Variants in FSHR observed in about 807,000 individuals in gnomAD.
FSHR encodes follicle-stimulating hormone receptor.
Under a neutral mutation model 52.1 loss-of-function variants are expected in FSHR, and 46 were observed. The observed-to-expected ratio is 0.88, with a 90% CI of 0.70 to 1.13. The LOEUF (loss-of-function observed/expected upper bound fraction) is 1.13. Ranked by LOEUF, FSHR falls within the 50% of genes most tolerant of loss-of-function variation. The pLI is 0.00. For synonymous variants in FSHR, 399 were observed against 309.6 expected (o/e 1.29, Z -3.03); for missense variants, 964 against 834.6 (o/e 1.16, Z -1.91).
At chr2:49,122,355 A>G (rs1054673816) in intron 1 of FSHR, among the ~76,000 whole-genome samples, 10 of 152,206 alleles carry the variant, frequency 6.6e-5, no homozygotes, top group Admixed American at 3.9e-4. Flanking sequence ...AGCCTTCTCT[A>G]TGAATGGATT....
intron 4 of FSHR, among the ~76,000 whole-genome samples, chr2:49,013,003 C>T (rs1316521): frequency 0.63 from 96,245 of 151,798 alleles, 33,277 homozygotes; most frequent in East Asian, 0.77. Flanking sequence ...GGCCCTAAAC[C>T]TGTTAGGATT....
intron 1 of FSHR, among the ~76,000 whole-genome samples, chr2:49,130,464 A>G (rs1329770588): frequency 6.6e-6 from 1 of 152,188 alleles, no homozygotes; most frequent in Non-Finnish European, 1.5e-5. Flanking sequence ...TGCTCTCATG[A>G]TAGCCATTCT....
chr2:49,140,792 T>G (rs1338948373), intron 1 of FSHR, among the ~76,000 whole-genome samples: 2 of 150,492 alleles, frequency 1.3e-5, no homozygotes, highest in Non-Finnish European at 2.9e-5. Flanking sequence ...AGATCAATAA[T>G]TTTTTTTTCC....
intron 1 of FSHR, among the ~76,000 whole-genome samples, chr2:49,143,062 T>A (rs1043025271): frequency 6.6e-6 from 1 of 152,148 alleles, no homozygotes; most frequent in East Asian, 1.9e-4. Flanking sequence ...GGCACACATA[T>A]TCTGAATGTA....
intron 6 of FSHR, among the ~76,000 whole-genome samples, chr2:48,987,313 C>T (rs1573050641): frequency 1.3e-5 from 2 of 152,206 alleles, no homozygotes; most frequent in South Asian, 2.1e-4. Context: ...AAGCGATTCC[C>T]CTGCCTCACC....
At chr2:49,101,562 C>A (rs1269854930) in intron 1 of FSHR, among the ~76,000 whole-genome samples, 2 of 152,094 alleles carry the variant, frequency 1.3e-5, no homozygotes, top group Non-Finnish European at 2.9e-5. Context: ...AAGGCAAGAA[C>A]ATTTACTCCA....
chr2:49,081,009 G>T (rs1670148612), intron 1 of FSHR, among the ~76,000 whole-genome samples: 1 of 152,074 alleles, frequency 6.6e-6, no homozygotes, highest in Non-Finnish European at 1.5e-5. Context: ...CTGGCTGCCC[G>T]TTCCTATGGA....
intron 1 of FSHR, among the ~76,000 whole-genome samples, chr2:49,148,705 G>A (rs960898131): frequency 4.6e-5 from 7 of 152,046 alleles, no homozygotes; most frequent in Non-Finnish European, 8.8e-5. Flanking sequence ...GGCAACCTTT[G>A]AGCAAGATTA....
rs776897994 is a variant in FSHR, at chr2:48,968,869, G to A, written c.683C>T (p.Thr228Ile). Residue 228 changes from threonine to isoleucine, a missense_variant, in exon 9 of 10, where the codon ACA (threonine) becomes ATA (isoleucine). Transcript: ENST00000406846. Reference sequence around the variant, plus strand: ...ATAGCTAGGCAGGGAATGGATCCTTGTTCTTGAAATATCTCTATAAAGAGA... The same window carrying A: ...ATAGCTAGGCAGGGAATGGATCCTTATTCTTGAAATATCTCTATAAAGAGA... Reference protein sequence around the residue: ...SGPVILDISRTRIHSLPSYGL... With the variant: ...SGPVILDISRIRIHSLPSYGL... 1 of 1,613,544 alleles carries A rather than the reference G, an allele frequency of 6.2e-7. No individual in the cohort carries two copies. Among genetic ancestry groups the A allele is most frequent in the Non-Finnish European group, 8.5e-7 (1 of 1,179,840 alleles).
At chr2:49,005,631 C>CA (rs1197805879) in intron 4 of FSHR, among the ~76,000 whole-genome samples, 1 of 151,920 alleles carries the variant, frequency 6.6e-6, no homozygotes, top group Non-Finnish European at 1.5e-5. Context: ...AGTGAGTGTG[C>CA]AAAAAAACAA....
chr2:48,989,273 C>CTTTTT (rs70946840), intron 5 of FSHR, among the ~76,000 whole-genome samples: 18 of 120,806 alleles, frequency 1.5e-4, no homozygotes, highest in African/African-American at 6.2e-4. Flanking sequence ...CATTCAGTGT[C>CTTTTT]TTTTTTTTTT....
chr2:48,966,335 T>A (rs1674476079), intron 9 of FSHR, among the ~76,000 whole-genome samples: 1 of 152,180 alleles, frequency 6.6e-6, no homozygotes, highest in Non-Finnish European at 1.5e-5. Flanking sequence ...TTCACAACAT[T>A]GAGTTGTGAA....
intron 1 of FSHR, among the ~76,000 whole-genome samples, chr2:49,085,599 C>T (rs1358446238): frequency 6.6e-6 from 1 of 152,160 alleles, no homozygotes; most frequent in African/African-American, 2.4e-5. Context: ...TTTGACCCAG[C>T]CATCCCATTA....
At chr2:49,091,018 T>G (rs1010434952) in intron 1 of FSHR, among the ~76,000 whole-genome samples, 5 of 152,060 alleles carry the variant, frequency 3.3e-5, no homozygotes, top group Non-Finnish European at 7.4e-5. Flanking sequence ...TAGAAGTCCT[T>G]TTTTAGACAT....
intron 2 of FSHR, among the ~76,000 whole-genome samples, chr2:49,067,709 G>C (rs1294850541): frequency 2.6e-5 from 4 of 152,040 alleles, no homozygotes; most frequent in Non-Finnish European, 5.9e-5. Flanking sequence ...AACAAAAGAG[G>C]CTTCTCTTTT....
At chr2:49,107,612 A>C (rs1671277095) in intron 1 of FSHR, among the ~76,000 whole-genome samples, 1 of 152,152 alleles carries the variant, frequency 6.6e-6, no homozygotes, top group Non-Finnish European at 1.5e-5. Context: ...TTAATCACAA[A>C]ATTAATATTA....
chr2:49,014,799 C>G (rs755119800), intron 4 of FSHR: 160 of 385,976 alleles, frequency 4.1e-4, no homozygotes, highest in Non-Finnish European at 7.0e-4. Flanking sequence ...GGCAGGAGTG[C>G]TTTGCATTAG....
At chr2:48,972,776 C>G (rs1439171586) in intron 8 of FSHR, among the ~76,000 whole-genome samples, 1 of 152,126 alleles carries the variant, frequency 6.6e-6, no homozygotes, top group Non-Finnish European at 1.5e-5. Flanking sequence ...ACCATCATTG[C>G]CTCTCATGAA....
At chr2:48,964,974 G>T (rs150387136) in intron 9 of FSHR, among the ~76,000 whole-genome samples, 1 of 145,226 alleles carries the variant, frequency 6.9e-6, no homozygotes, top group Non-Finnish European at 1.5e-5. Context: ...TAAGCCTTAC[G>T]TTAGGACCTT....
Sources: allele counts gnomAD v4.1 joint callset (sites outside exome capture counted in the v4.1 genomes callset), GRCh38; gene constraint gnomAD v4.1.1; transcripts MANE v1.5; gene names NCBI Gene and HGNC (gene_info 2026-07-23, HGNC 2026-07-21).